Variants in GPSM1 observed in about 807,000 individuals in gnomAD.
The protein encoded by GPSM1 is G protein-signaling modulator 1.
A neutral mutation model predicts 70.5 loss-of-function variants in GPSM1; 48 were observed. The observed-to-expected ratio is 0.68, with a 90% CI of 0.54 to 0.87. The LOEUF (loss-of-function observed/expected upper bound fraction) is 0.87, where lower values mean the gene tolerates loss of function less well. Ranked by LOEUF, GPSM1 falls within the 40% of genes least tolerant of loss-of-function variation. The pLI is 0.00. For synonymous variants in GPSM1, 416 were observed against 430.1 expected, an observed-to-expected ratio of 0.97 and a Z score of 0.41; for missense variants, 981 against 972.6, an observed-to-expected ratio of 1.01 and a Z score of -0.11.
chr9:136,357,621 G>T (rs1832867916), intron 13 of GPSM1, among the ~76,000 whole-genome samples: 1 of 152,240 alleles, frequency 6.6e-6, no homozygotes, highest in Non-Finnish European at 1.5e-5. Context: ...GTCCCAGGCT[G>T]TGCTGGTTTC....
intron 11 of GPSM1, chr9:136,354,779 T>G: frequency 1.0e-6 from 1 of 975,754 alleles, no homozygotes; most frequent in South Asian, 4.7e-5. Flanking sequence ...TTCCTTCGAG[T>G]TCATTCACAC....
At chr9:136,337,788 C>T in intron 5 of GPSM1, 58 bp from the exon 6 acceptor site, 1 of 1,362,848 alleles carries the variant, frequency 7.3e-7, no homozygotes, top group Non-Finnish European at 1.0e-6. Context: ...CCCCTGTCCG[C>T]CCACGTCAGG....
intron 11 of GPSM1, among the ~76,000 whole-genome samples, chr9:136,353,996 G>A (rs1489310887): frequency 1.3e-5 from 2 of 152,178 alleles, no homozygotes; most frequent in African/African-American, 2.4e-5. Flanking sequence ...TGGGGAATCC[G>A]GGGGAGTGGG....
At chr9:136,352,934 CCT>C in intron 11 of GPSM1, 1 of 183,462 alleles carries the variant, frequency 5.5e-6, no homozygotes, top group Non-Finnish European at 1.0e-5. Context: ...TGTGTGTGAG[CCT>C]GTGTGTGTGC....
chr9:136,354,808 C>G, intron 11 of GPSM1: 2 of 988,992 alleles, frequency 2.0e-6, no homozygotes, highest in Non-Finnish European at 2.4e-6. Context: ...CCGGTGAGGG[C>G]TGTGTAGGGC....
intron 5 of GPSM1, 85 bp downstream of exon 5, chr9:136,337,649 G>C: frequency 7.3e-7 from 1 of 1,371,484 alleles, no homozygotes; most frequent in African/African-American, 1.4e-5. Context: ...CCCTGAAAGG[G>C]CAGGGTGGTA....
chr9:136,327,579 G>T lies in GPSM1; in HGVS notation c.-117G>T. 4.9e-6 allele frequency: 1 copy of T among 203,324 alleles called. No homozygotes were observed. Among genetic ancestry groups the T allele is most frequent in the Non-Finnish European group, 9.3e-6 (1 of 107,342 alleles). 12.6% of individuals were successfully genotyped at this position (203,324 alleles called of 1,614,324 possible). A position where few individuals can be genotyped will look rare whatever the true frequency, so the allele number is the denominator to read the frequency against. ...CCCCGGGGGAGGACGGGCGAACGAG[G>T]CGCGGACGGACAGGCGGACAGCAGG... On this transcript the variant is annotated 5_prime_UTR_variant, in exon 1 of 14. Transcript: ENST00000440944.
chr9:136,348,370 A>G (rs782051373), intron 9 of GPSM1, among the ~76,000 whole-genome samples: 14 of 152,186 alleles, frequency 9.2e-5, no homozygotes, highest in Non-Finnish European at 1.8e-4. Context: ...AGGCAGAGGG[A>G]ACAGCAGGAC....
rs370716008 is a variant in GPSM1 at position 136,356,569 on chromosome 9, C to T, written c.1821+19C>T. 5.6e-5 allele frequency: 88 copies of T among 1,580,510 alleles called. No individual in the cohort carries two copies. The highest frequency in any genetic ancestry group is 5.1e-4 in the Middle Eastern group (3 of 5,920). On this transcript the variant is annotated intron_variant, in intron 13 of 13. Coordinates refer to ENST00000440944, the MANE Select transcript of GPSM1 (RefSeq NM_001145638.3). ...GTACCAGGTGGGCTGCGGCCCTGGGCGGGCGTGGCTCGCGGCCCCTTTGCC... is the reference window on the plus strand; with the variant it reads ...GTACCAGGTGGGCTGCGGCCCTGGGTGGGCGTGGCTCGCGGCCCCTTTGCC...
Position 136,341,482 on chromosome 9 carries a change from T to G in GPSM1, c.1207+489T>G. 1 of 1,290,150 alleles carries G rather than the reference T, an allele frequency of 7.8e-7. No homozygotes were observed. Among genetic ancestry groups the G allele is most frequent in the Non-Finnish European group, 9.8e-7 (1 of 1,016,904 alleles). The allele number at this position is 1,290,150 out of a possible 1,614,324, so 79.9% of individuals were successfully genotyped here. ...CGTGGTGACCTCATTCATGGACCGC[T>G]GGTCGTCCCATGCCGGTCAGCAGTG... is the stretch of plus-strand genomic sequence containing the variant. On this transcript the variant is annotated intron_variant, in intron 9 of 13. Coordinates refer to ENST00000440944, the MANE Select transcript of GPSM1 (RefSeq NM_001145638.3). The surrounding 1 kb of genome is among the most constrained non-coding windows in gnomAD (Gnocchi z 6.7).
chr9:136,355,064 G>T, intron 11 of GPSM1: 1 of 525,970 alleles, frequency 1.9e-6, no homozygotes, highest in Non-Finnish European at 2.3e-6. Context: ...GGGTGCCGAG[G>T]GTGGATGACA....
rs561582281 is a variant in GPSM1 at position 136,352,842 on chromosome 9, C to T, written c.1456-2848C>T. On this transcript the variant is annotated intron_variant, in intron 11 of 13. Coordinates refer to ENST00000440944, the MANE Select transcript of GPSM1 (RefSeq NM_001145638.3). ...CCTCCAGTGTGCCCGCCCACAGGCA[C>T]GGGGAGGGGGAGGTTCACTGCTGCA... Among the ~76,000 whole-genome samples the T allele has an allele frequency of 3.2e-4, 49 of 152,322 alleles. 1 individual carries two copies. Among genetic ancestry groups the T allele is most frequent in the African/African-American group, 1.1e-3 (45 of 41,578 alleles).
chr9:136,356,647 T>G (rs1197602161), intron 13 of GPSM1, 97 bp downstream of exon 13: 1 of 848,490 alleles, frequency 1.2e-6, no homozygotes, highest in African/African-American at 1.7e-5. Context: ...GGGCGCTGGT[T>G]CTGCCATCTC....
intron 9 of GPSM1, among the ~76,000 whole-genome samples, chr9:136,348,042 G>A (rs1448622366): frequency 6.6e-6 from 1 of 152,192 alleles, no homozygotes; most frequent in Non-Finnish European, 1.5e-5. Flanking sequence ...GGCCAGTGTT[G>A]GGTCAGGCAG....
intron 8 of GPSM1, 71 bp downstream of exon 8, chr9:136,339,886 C>A: frequency 1.1e-6 from 1 of 938,804 alleles, no homozygotes; most frequent in Non-Finnish European, 1.6e-6. Context: ...GTCCCCTCTG[C>A]CCCGAGCGAG....
chr9:136,335,623 A>G (rs1268202669), intron 2 of GPSM1, among the ~76,000 whole-genome samples: 1 of 152,020 alleles, frequency 6.6e-6, no homozygotes, highest in East Asian at 1.9e-4. Context: ...AGGCCCCCCA[A>G]GTCCTCCCCG....
At chr9:136,329,371 A>G (rs1554768264) in intron 1 of GPSM1, among the ~76,000 whole-genome samples, 2 of 152,210 alleles carry the variant, frequency 1.3e-5, no homozygotes, top group African/African-American at 4.8e-5. Context: ...CTGGCTTCAG[A>G]GCATGGATGC....
Position 136,338,608 on chromosome 9 carries a change from C to T in GPSM1, c.872C>T (p.Ala291Val). The T allele has an allele frequency of 6.2e-7, 1 of 1,610,640 alleles. No homozygotes were observed. The highest frequency in any genetic ancestry group is 8.5e-7 in the Non-Finnish European group (1 of 1,179,268). ...AGGGACCAGGCAGTGGAGGCGCAGG[C>T]CTGCTACAGTCTGGGCAACACCTAC... ...QLRDQAVEAQACYSLGNTYTL... is the reference protein window; with the variant it reads ...QLRDQAVEAQVCYSLGNTYTL... Residue 291 changes from alanine to valine, a missense_variant, in exon 7 of 14, where the codon GCC (alanine) becomes GTC (valine). Transcript: ENST00000440944.
intron 4 of GPSM1, 29 bp downstream of exon 4, chr9:136,337,101 C>T (rs549316274): frequency 2.0e-5 from 31 of 1,529,382 alleles, no homozygotes; most frequent in Admixed American, 4.2e-5. Context: ...GCCCAGGGAC[C>T]GGGGCTGGCC....
Sources: gnomAD v4.1 joint callset for allele counts (sites outside exome capture counted in the v4.1 genomes callset) on GRCh38, gnomAD v4.1.1 for gene constraint, Gnocchi (gnomAD v3.1) non-coding constraint, MANE v1.5 for transcripts, NCBI Gene and HGNC (gene_info 2026-07-23, HGNC 2026-07-21) for gene names.